The following ACTR3C variants were observed in gnomAD, a reference collection of about 807,000 sequenced individuals.
The protein encoded by ACTR3C is actin-related protein 3C.
Under a neutral mutation model 26.3 loss-of-function variants are expected in ACTR3C, and 18 were observed. The observed-to-expected ratio is 0.68, with a 90% confidence interval of 0.47 to 1.01. The LOEUF is 1.01. ACTR3C is among the 50% of genes least tolerant of loss of function. The pLI is 0.00. For missense variants in ACTR3C, 184 were observed against 250.7 expected (o/e 0.73, Z 1.80); for synonymous variants, 55 against 94.5 (o/e 0.58, Z 2.42).
the ACTR3C span, among the ~76,000 whole-genome samples, chr7:150,125,028 C>G: frequency 1.1e-4 from 16 of 152,174 alleles, no homozygotes; most frequent in Admixed American, 7.2e-4. Context: ...TTCAAAGTCT[C>G]TATTCAATGC....
the ACTR3C span, among the ~76,000 whole-genome samples, chr7:149,983,860 G>A: frequency 1.3e-5 from 2 of 152,104 alleles, no homozygotes; most frequent in Non-Finnish European, 2.9e-5. Context: ...TATGGTAAGT[G>A]AAATGAACCA....
the ACTR3C span, among the ~76,000 whole-genome samples, chr7:150,163,630 T>A: frequency 2.0e-5 from 3 of 152,010 alleles, no homozygotes; most frequent in Non-Finnish European, 4.4e-5. Flanking sequence ...GAATCTGCCA[T>A]CTGCAGACTG....
chr7:150,076,817 C>G, the ACTR3C span, among the ~76,000 whole-genome samples: 21,523 of 152,096 alleles, frequency 0.14, 1,584 homozygotes, highest in South Asian at 0.21. Flanking sequence ...TTAAAACATT[C>G]CAAAGTATTT....
At chr7:150,014,351 G>A in the ACTR3C span, among the ~76,000 whole-genome samples, 1 of 151,690 alleles carries the variant, frequency 6.6e-6, no homozygotes, top group Non-Finnish European at 1.5e-5. Context: ...AGCTACTTGG[G>A]AGGCTGAGGC....
the ACTR3C span, among the ~76,000 whole-genome samples, chr7:150,142,632 G>A: frequency 1.3e-5 from 2 of 151,776 alleles, no homozygotes; most frequent in Non-Finnish European, 2.9e-5. Flanking sequence ...GGGTTCAAGC[G>A]ATTCTCCTGC....
At chr7:150,022,496 G>C in the ACTR3C span, among the ~76,000 whole-genome samples, 10 of 151,748 alleles carry the variant, frequency 6.6e-5, no homozygotes, top group East Asian at 1.9e-3. Context: ...ATCATAAACT[G>C]AGCTGGAACT....
chr7:150,029,426 A>AAACAAAAAAACAAAAAACAAAAAAC, the ACTR3C span, among the ~76,000 whole-genome samples: 1 of 129,600 alleles, frequency 7.7e-6, no homozygotes, highest in African/African-American at 3.0e-5. Context: ...AACAAACAAA[A>AAACAAAAAAACAAAAAACAAAAAAC]AAAAACCATG....
At chr7:150,070,026 A>C in the ACTR3C span, among the ~76,000 whole-genome samples, 1 of 152,226 alleles carries the variant, frequency 6.6e-6, no homozygotes, top group Non-Finnish European at 1.5e-5. Flanking sequence ...CGCCTTCCCA[A>C]GAACTGAGGT....
the ACTR3C span, among the ~76,000 whole-genome samples, chr7:149,914,782 C>G: frequency 1.3e-5 from 2 of 151,734 alleles, no homozygotes; most frequent in African/African-American, 2.4e-5. Flanking sequence ...TATCATTATT[C>G]TGATTTTACA....
chr7:150,175,831 A>G, the ACTR3C span, among the ~76,000 whole-genome samples: 11 of 149,014 alleles, frequency 7.4e-5, no homozygotes, highest in East Asian at 1.4e-3. Flanking sequence ...AAAAAAAAAA[A>G]AAAAGAAAGA....
chr7:150,307,885 C>T (rs1256469246), intron 1 of ACTR3C, among the ~76,000 whole-genome samples: 4 of 152,172 alleles, frequency 2.6e-5, no homozygotes, highest in South Asian at 2.1e-4. Flanking sequence ...TAACCTCTGT[C>T]GCTATCCCTC....
intron 6 of ACTR3C, among the ~76,000 whole-genome samples, chr7:150,251,306 TAA>T (rs1224591389): frequency 6.6e-6 from 1 of 152,232 alleles, no homozygotes; most frequent in Admixed American, 6.5e-5. Context: ...TTATTTTTCA[TAA>T]GTTATTCTTA....
chr7:150,195,633 C>G, the ACTR3C span, among the ~76,000 whole-genome samples: 2 of 152,380 alleles, frequency 1.3e-5, no homozygotes, highest in East Asian at 1.9e-4. Flanking sequence ...AACCCCAGCA[C>G]TTTGGGAGGC....
At chr7:150,036,766 G>T in the ACTR3C span, among the ~76,000 whole-genome samples, 2 of 138,254 alleles carry the variant, frequency 1.4e-5, no homozygotes, top group Admixed American at 7.0e-5. Flanking sequence ...GGTATCTGCC[G>T]TCGGAAGATT....
At chr7:150,143,311 G>A in the ACTR3C span, among the ~76,000 whole-genome samples, 170 of 152,146 alleles carry the variant, frequency 1.1e-3, 1 homozygote, top group African/African-American at 4.0e-3. Context: ...AAATATTAAT[G>A]ACTTATGAAA....
the ACTR3C span, among the ~76,000 whole-genome samples, chr7:149,994,512 G>A: frequency 2.6e-5 from 4 of 152,088 alleles, no homozygotes; most frequent in Admixed American, 6.5e-5. Flanking sequence ...CGGGAGAATC[G>A]CTTGAACCCG....
chr7:150,018,815 T>C, the ACTR3C span, among the ~76,000 whole-genome samples: 2 of 150,412 alleles, frequency 1.3e-5, no homozygotes, highest in African/African-American at 2.5e-5. Context: ...CCCCATATTG[T>C]TCGTATCTAA....
the ACTR3C span, among the ~76,000 whole-genome samples, chr7:149,906,434 T>G: frequency 1.3e-3 from 160 of 119,642 alleles, 6 homozygotes; most frequent in South Asian, 0.019. Context: ...TTTTTTTTTT[T>G]TTTTTTTTTT....
At chr7:150,045,626 T>C in the ACTR3C span, among the ~76,000 whole-genome samples, 1 of 151,142 alleles carries the variant, frequency 6.6e-6, no homozygotes, top group African/African-American at 2.4e-5. Context: ...TAGAACCCCA[T>C]TAAAAAATGT....
Sources: gnomAD v4.1 joint callset for allele counts (sites outside exome capture counted in the v4.1 genomes callset) on GRCh38, gnomAD v4.1.1 for gene constraint, MANE v1.5 for transcripts, NCBI Gene and HGNC (gene_info 2026-07-23, HGNC 2026-07-21) for gene names.